RBMS3: variants seen among roughly 807,000 people sequenced by gnomAD.
The protein encoded by RBMS3 is RNA-binding motif, single-stranded-interacting protein 3.
In RBMS3, 27 loss-of-function variants were observed where a neutral mutation model predicts 66.8. That is an observed-to-expected ratio of 0.40 (90% confidence interval 0.30 to 0.56). RBMS3 has a LOEUF of 0.56. Among genes scored for constraint, RBMS3 ranks in the 20% least tolerant of loss-of-function variants. The pLI is 0.40. For synonymous variants in RBMS3, 188 were observed against 183.0 expected (o/e 1.03, Z -0.22); for missense variants, 513 against 549.5 (o/e 0.93, Z 0.66).
intron 4 of RBMS3, among the ~76,000 whole-genome samples, chr3:29,593,343 A>G (rs1362496027): frequency 1.3e-5 from 2 of 152,118 alleles, no homozygotes; most frequent in Non-Finnish European, 2.9e-5. Flanking sequence ...TGTTTTTATC[A>G]TTCCTAGGTA....
intron 8 of RBMS3, among the ~76,000 whole-genome samples, chr3:29,886,358 G>A (rs2059871033): frequency 6.6e-6 from 1 of 151,866 alleles, no homozygotes; most frequent in South Asian, 2.1e-4. Context: ...ATGAGGCCAT[G>A]TAGTCCGAGG....
intron 10 of RBMS3, chr3:29,926,692 A>G (rs1441555091): frequency 6.6e-6 from 1 of 152,182 alleles, no homozygotes; most frequent in Non-Finnish European, 1.5e-5. Context: ...TAAACATTTT[A>G]CCAGACAAAA....
intron 1 of RBMS3, among the ~76,000 whole-genome samples, chr3:29,314,614 A>G (rs1221410543): frequency 6.6e-6 from 1 of 151,604 alleles, no homozygotes; most frequent in Non-Finnish European, 1.5e-5. Flanking sequence ...TTTCAGCATT[A>G]CATCCTGTTT....
chr3:29,455,608 A>G (rs959518002), intron 2 of RBMS3, among the ~76,000 whole-genome samples: 8 of 152,176 alleles, frequency 5.3e-5, no homozygotes, highest in Non-Finnish European at 1.0e-4. Flanking sequence ...ACATTTGTCA[A>G]TCAAATCAAA....
chr3:29,877,988 T>G (rs1043391917), intron 7 of RBMS3, among the ~76,000 whole-genome samples: 10 of 152,102 alleles, frequency 6.6e-5, no homozygotes, highest in African/African-American at 2.4e-4. Context: ...GGAACTGGTT[T>G]TGTAGAAGAT....
chr3:29,820,985 A>G (rs888798688), intron 6 of RBMS3, among the ~76,000 whole-genome samples: 1 of 152,084 alleles, frequency 6.6e-6, no homozygotes. Flanking sequence ...AGATTCTTCA[A>G]CCCTCTACTA....
chr3:29,986,115 G>A (rs1698373251), intron 12 of RBMS3, among the ~76,000 whole-genome samples: 1 of 152,018 alleles, frequency 6.6e-6, no homozygotes, highest in South Asian at 2.1e-4. Flanking sequence ...TACTCAAATA[G>A]GTAAGGATTT....
intron 2 of RBMS3, among the ~76,000 whole-genome samples, chr3:29,438,769 C>A (rs1412886128): frequency 6.6e-6 from 1 of 152,086 alleles, no homozygotes; most frequent in Non-Finnish European, 1.5e-5. Context: ...AGATTATATC[C>A]TGCATGCCTG....
intron 4 of RBMS3, among the ~76,000 whole-genome samples, chr3:29,719,675 A>G (rs1341440298): frequency 6.6e-6 from 1 of 152,162 alleles, no homozygotes; most frequent in Non-Finnish European, 1.5e-5. Context: ...TTCTATGATA[A>G]TCAATAGTAG....
intron 6 of RBMS3, among the ~76,000 whole-genome samples, chr3:29,847,093 T>C (rs2058800604): frequency 6.6e-6 from 1 of 152,196 alleles, no homozygotes; most frequent in African/African-American, 2.4e-5. Context: ...GGAAGTTATT[T>C]ACATGACACA....
At chr3:29,551,223 A>G (rs2046169842) in intron 3 of RBMS3, among the ~76,000 whole-genome samples, 1 of 152,206 alleles carries the variant, frequency 6.6e-6, no homozygotes, top group Non-Finnish European at 1.5e-5. Context: ...ATTTTGATTG[A>G]CATATAGATC....
chr3:29,993,931 A>C (rs1022188577), intron 14 of RBMS3, among the ~76,000 whole-genome samples: 1 of 152,188 alleles, frequency 6.6e-6, no homozygotes, highest in African/African-American at 2.4e-5. Flanking sequence ...GGAGGAACCA[A>C]GATGGCCGAA....
chr3:29,697,912 ACAAAAACTTTAAGTACTCT>A (rs562904488), intron 4 of RBMS3, among the ~76,000 whole-genome samples: 17 of 152,354 alleles, frequency 1.1e-4, no homozygotes, highest in African/African-American at 4.1e-4. Context: ...TAATCTGTAT[ACAAAAACTTTAAGTACTCT>A]CCTGCCTGAT....
intron 4 of RBMS3, among the ~76,000 whole-genome samples, chr3:29,729,476 G>A (rs2054033244): frequency 6.6e-6 from 1 of 152,124 alleles, no homozygotes; most frequent in Non-Finnish European, 1.5e-5. Context: ...ATAGTAGCAT[G>A]ATTTATAATC....
At chr3:29,708,995 C>T (rs1031780781) in intron 4 of RBMS3, among the ~76,000 whole-genome samples, 5 of 152,116 alleles carry the variant, frequency 3.3e-5, no homozygotes, top group East Asian at 1.9e-4. Context: ...TATGCCTGGC[C>T]GTCTCAGCCC....
intron 1 of RBMS3, among the ~76,000 whole-genome samples, chr3:29,357,876 A>G (rs145088583): frequency 0.11 from 16,805 of 151,776 alleles, 1,085 homozygotes; most frequent in East Asian, 0.22. Context: ...CATATCCTTC[A>G]CCCACTTTTT....
chr3:29,342,185 T>A (rs1300900018), intron 1 of RBMS3, among the ~76,000 whole-genome samples: 1 of 152,128 alleles, frequency 6.6e-6, no homozygotes, highest in Non-Finnish European at 1.5e-5. Context: ...AAGTGGAGGC[T>A]TCAGGTGTGA....
In RBMS3 at chr3:29,723,305, G is replaced by A. The variant is rs538604291; in HGVS notation, c.400-16415G>A. 1.4e-3 allele frequency among the ~76,000 whole-genome samples: 214 copies of A among 152,124 alleles called. 1 individual carries two copies. Among genetic ancestry groups the A allele is most frequent in the East Asian group, 5.8e-4 (3 of 5,172 alleles). Reference sequence around the variant, plus strand: ...TCACTAGTTTTTACATACACTGATCGTTCTAGCCTAAATAAATTATTACCA... The same window carrying A: ...TCACTAGTTTTTACATACACTGATCATTCTAGCCTAAATAAATTATTACCA... On this transcript the variant is annotated intron_variant, in intron 4 of 14. Coordinates refer to ENST00000383767, the MANE Select transcript of RBMS3 (RefSeq NM_001003793.3).
chr3:29,692,642 A>G (rs1204728381), intron 4 of RBMS3, among the ~76,000 whole-genome samples: 2 of 152,140 alleles, frequency 1.3e-5, no homozygotes, highest in Non-Finnish European at 2.9e-5. Flanking sequence ...TTCCCTTTCT[A>G]TCATTTTCTC....
Sources: allele counts gnomAD v4.1 joint callset (sites outside exome capture counted in the v4.1 genomes callset), GRCh38; gene constraint gnomAD v4.1.1; transcripts MANE v1.5; gene names NCBI Gene and HGNC (gene_info 2026-07-23, HGNC 2026-07-21).